Variants in PDK2 observed in about 807,000 individuals in gnomAD.
PDK2 encodes pyruvate dehydrogenase kinase, isozyme 2.
Under a neutral mutation model 50.4 loss-of-function variants are expected in PDK2, and 34 were observed. The ratio of observed to expected loss-of-function variants is 0.68; its 90% CI spans 0.51 to 0.90. The LOEUF is 0.90. Among genes scored for constraint, PDK2 ranks in the 40% least tolerant of loss-of-function variants. The probability of loss-of-function intolerance (pLI) is 0.00; values close to 1 mark genes in which losing one functional copy is unlikely to be tolerated. For synonymous variants in PDK2, 232 were observed against 216.0 expected, an observed-to-expected ratio of 1.07 and a Z score of -0.65; for missense variants, 377 against 544.5, an observed-to-expected ratio of 0.69 and a Z score of 3.06.
At chr17:50,103,247 C>A (rs901012284) in intron 2 of PDK2, among the ~76,000 whole-genome samples, 1 of 152,128 alleles carries the variant, frequency 6.6e-6, no homozygotes, top group Non-Finnish European at 1.5e-5. Flanking sequence ...CTCCTCCTAT[C>A]GGGCTCTGTG....
At chr17:50,096,027 C>G in intron 1 of PDK2, 1 of 778,256 alleles carries the variant, frequency 1.3e-6, no homozygotes, top group Non-Finnish European at 1.6e-6. Context: ...GGTCAGACAC[C>G]CCTGGGCAGA....
Position 50,095,774 on chromosome 17 carries a change from G to C in PDK2, c.118+221G>C, listed in dbSNP as rs146589841. 1.5e-3 allele frequency: 2,014 copies of C among 1,386,068 alleles called. 19 individuals are homozygous for C. In the African/African-American group the frequency reaches 0.027, roughly 19 times the overall value. 85.9% of individuals were successfully genotyped at this position (1,386,068 alleles called of 1,614,324 possible). A position where few individuals can be genotyped will look rare whatever the true frequency, so the allele number is the denominator to read the frequency against. On this transcript the variant is annotated intron_variant, in intron 1 of 10. Coordinates refer to ENST00000503176, the MANE Select transcript of PDK2 (RefSeq NM_002611.5). ...GGGGGGCATTTACAAGGACGGTCCCGAGGTTTCTTCGTGGGCCTCATGAAG... is the reference window on the plus strand; with the variant it reads ...GGGGGGCATTTACAAGGACGGTCCCCAGGTTTCTTCGTGGGCCTCATGAAG...
rs980620554 is a variant in PDK2, at chr17:50,101,560, G to C, written c.261-3811G>C. On this transcript the variant is annotated intron_variant, in intron 2 of 10. Transcript: ENST00000503176. The surrounding 1 kb of genome is among the most constrained non-coding windows in gnomAD (Gnocchi z 4.2). The stretch of plus-strand genomic sequence containing the variant: ...CCTGCTCCCCAGCAGCTGTGGATAC[G>C]AGTGCACAGGGCACACCCTCGCACA... 6.6e-6 allele frequency among the ~76,000 whole-genome samples: 1 copy of C among 151,842 alleles called. No homozygotes were observed.
Position 50,111,301 on chromosome 17 carries a change from G to C in PDK2, c.*1204G>C, listed in dbSNP as rs1353542018. The C allele has an allele frequency of 6.6e-6, 1 of 152,292 alleles. No individual in the cohort carries two copies. Among genetic ancestry groups the C allele is most frequent in the African/African-American group, 2.4e-5 (1 of 41,452 alleles). 9.4% of individuals were successfully genotyped at this position (152,292 alleles called of 1,614,324 possible). A position where few individuals can be genotyped will look rare whatever the true frequency, so the allele number is the denominator to read the frequency against. On this transcript the variant is annotated 3_prime_UTR_variant, in exon 11 of 11. Transcript: ENST00000503176. ...TCCGGCCAACCCAACAACTGGAGCA[G>C]ACAGAAATTCTGGTCACTGGCACAT... is the stretch of plus-strand genomic sequence containing the variant.
At chr17:50,102,887 C>T (rs920336271) in intron 2 of PDK2, among the ~76,000 whole-genome samples, 1 of 152,212 alleles carries the variant, frequency 6.6e-6, no homozygotes, top group African/African-American at 2.4e-5. Context: ...CCGTGTTGGC[C>T]GTTGGCCACG....
chr17:50,108,428 C>T lies in PDK2; in HGVS notation c.861+11C>T, dbSNP rs766615513. On this transcript the variant is annotated intron_variant, in intron 8 of 10. Coordinates refer to ENST00000503176, the MANE Select transcript of PDK2 (RefSeq NM_002611.5). ...GATCTGTCCATCAAGGTATGTGACC[C>T]TTTGACCTTGGGGACCAGGGAGCAG... The T allele has an allele frequency of 6.2e-7, 1 of 1,605,132 alleles. No homozygotes were observed. The highest frequency in any genetic ancestry group is 8.5e-7 in the Non-Finnish European group (1 of 1,172,038).
chr17:50,095,893 C>CTCCAG, intron 1 of PDK2: 1 of 762,998 alleles, frequency 1.3e-6, no homozygotes, highest in Non-Finnish European at 1.6e-6. Context: ...GGGAGTTGTC[C>CTCCAG]TCATGACTGG....
At chr17:50,097,092 C>CA (rs142985356) in intron 1 of PDK2, among the ~76,000 whole-genome samples, 7,659 of 152,236 alleles carry the variant, frequency 0.05, 206 homozygotes, top group African/African-American at 0.081. Flanking sequence ...ATCAGCCCCT[C>CA]AAAGTGAGTG....
intron 2 of PDK2, among the ~76,000 whole-genome samples, chr17:50,099,200 C>A (rs936064237): frequency 6.6e-6 from 1 of 152,100 alleles, no homozygotes; most frequent in African/African-American, 2.4e-5. Context: ...GGCCCTCCTC[C>A]GGCTCTATCC....
chr17:50,106,388 T>G, intron 4 of PDK2: 1 of 508,914 alleles, frequency 2.0e-6, no homozygotes, highest in South Asian at 3.1e-5. Context: ...GTTTAGAGTT[T>G]CTTATTCCAG....
At chr17:50,095,601 T>C (rs1460682712) in intron 1 of PDK2, 48 bp downstream of exon 1, 1 of 1,525,556 alleles carries the variant, frequency 6.6e-7, no homozygotes. Context: ...GGCGGGGCGC[T>C]GGGAGGGGCA....
intron 2 of PDK2, among the ~76,000 whole-genome samples, chr17:50,102,268 G>A (rs1910272619): frequency 6.6e-6 from 1 of 152,206 alleles, no homozygotes; most frequent in African/African-American, 2.4e-5. Context: ...CTGGCCCTGT[G>A]AGGGAGGCTG....
In PDK2 at chr17:50,097,426, C is replaced by G. The variant is rs2144344703; in HGVS notation, c.122C>G (p.Ser41Cys). 6.2e-6 allele frequency: 10 copies of G among 1,613,688 alleles called. No homozygotes were observed. The highest frequency in any genetic ancestry group is 4.5e-5 in the East Asian group (2 of 44,866). ...LSMKQFLDFG[S>C]SNACEKTSFT... ...TCACCCCTCTTTCTCCTGCCAGGATCCAGCAATGCCTGTGAGAAAACCTCC... is the reference window on the plus strand; with the variant it reads ...TCACCCCTCTTTCTCCTGCCAGGATGCAGCAATGCCTGTGAGAAAACCTCC... The change falls in exon 2 of 11, where the codon TCC (serine) becomes TGC (cysteine). Residue 41 changes from serine (S) to cysteine (C), a missense_variant. Ser to Cys is a moderately radical substitution (Grantham distance 112). This residue lies in a region of PDK2 where 100 missense variants were observed against 115.5 expected (regional missense o/e 0.87). Transcript: ENST00000503176.
At chr17:50,107,039 G>A (rs1409844922) in intron 5 of PDK2, 37 bp from the exon 6 acceptor site, 2 of 1,591,778 alleles carry the variant, frequency 1.3e-6, no homozygotes, top group Non-Finnish European at 1.7e-6. Context: ...CTGCTGGGTG[G>A]GCCACCCATG....
Position 50,110,343 on chromosome 17 carries a change from A to AC in PDK2, c.*249dup. On this transcript the variant is annotated 3_prime_UTR_variant, in exon 11 of 11. Coordinates refer to ENST00000503176, the MANE Select transcript of PDK2 (RefSeq NM_002611.5). ...ATGCCTGAGGGTTAGGGATGTCTCC[A>AC]CCCTGATGGGGTGTCCCAGAGACAT... 1 of 382,960 alleles carries AC rather than the reference A, an allele frequency of 2.6e-6. No individual in the cohort carries two copies. The highest frequency in any genetic ancestry group is 4.7e-6 in the Non-Finnish European group (1 of 211,812). The allele number at this position is 382,960 out of a possible 1,614,324, so 23.7% of individuals were successfully genotyped here.
chr17:50,109,420 A>G lies in PDK2; in HGVS notation c.1083+20A>G. 6.5e-7 allele frequency: 1 copy of G among 1,532,640 alleles called. No individual in the cohort carries two copies. The highest frequency in any genetic ancestry group is 9.0e-7 in the Non-Finnish European group (1 of 1,111,446). 94.9% of individuals were successfully genotyped at this position (1,532,640 alleles called of 1,614,324 possible). A position where few individuals can be genotyped will look rare whatever the true frequency, so the allele number is the denominator to read the frequency against. ...CTCAAGGTGAGGGCCCTTCCCGCAG[A>G]GCCCAGCTGGAGAAGAGCTTTGCTG... On this transcript the variant is annotated intron_variant, in intron 10 of 10. Transcript: ENST00000503176. This position sits in a 1 kb window ranked among gnomAD's most constrained non-coding sequence, Gnocchi z 5.0.
chr17:50,095,443 G>T lies in PDK2; in HGVS notation c.8G>T (p.Trp3Leu). 2 of 1,601,402 alleles carry T rather than the reference G, an allele frequency of 1.2e-6. No homozygotes were observed. The highest frequency in any genetic ancestry group is 1.7e-6 in the Non-Finnish European group (2 of 1,174,254). ...GTCGCGGCCGCCGCAGCCATGCGCT[G>T]GGTGTGGGCGCTGCTGAAGAATGCG... is the stretch of plus-strand genomic sequence containing the variant. MR[W>L]VWALLKNASL... Residue 3 changes from tryptophan to leucine, a missense_variant, in exon 1 of 11, where the codon TGG becomes TTG. Physicochemically the swap from Trp to Leu is moderately conservative, Grantham distance 61. This residue lies in a region of PDK2 where 100 missense variants were observed against 115.5 expected (regional missense o/e 0.87). Coordinates refer to ENST00000503176, the MANE Select transcript of PDK2 (RefSeq NM_002611.5).
chr17:50,109,458 C>A lies in PDK2; in HGVS notation c.1083+58C>A. 9.4e-7 allele frequency: 1 copy of A among 1,061,712 alleles called. No homozygotes were observed. Among genetic ancestry groups the A allele is most frequent in the Non-Finnish European group, 1.4e-6 (1 of 721,232 alleles). The allele number at this position is 1,061,712 out of a possible 1,614,324, so 65.8% of individuals were successfully genotyped here. A position where few individuals can be genotyped will look rare whatever the true frequency, so the allele number is the denominator to read the frequency against. On this transcript the variant is annotated intron_variant, in intron 10 of 10. Transcript: ENST00000503176. This position sits in a 1 kb window ranked among gnomAD's most constrained non-coding sequence, Gnocchi z 5.0. Reference sequence around the variant, plus strand: ...AAGAGCTTTGCTGATAGGACCTGGGCAGCCTTGGCCAGCTGCGAGCTTTCC... The same window carrying A: ...AAGAGCTTTGCTGATAGGACCTGGGAAGCCTTGGCCAGCTGCGAGCTTTCC...
At chr17:50,097,892 T>C (rs1910029542) in intron 2 of PDK2, 2 of 261,010 alleles carry the variant, frequency 7.7e-6, no homozygotes, top group South Asian at 8.2e-5. Flanking sequence ...AGCCCAGACC[T>C]GGAACTCCAG....
Sources: gnomAD v4.1 joint callset for allele counts (sites outside exome capture counted in the v4.1 genomes callset) on GRCh38, gnomAD v4.1.1 for gene constraint, gnomAD v4.1.1 regional missense constraint, Gnocchi (gnomAD v3.1) non-coding constraint, MANE v1.5 for transcripts, NCBI Gene and HGNC (gene_info 2026-07-23, HGNC 2026-07-21) for gene names.